SCN7A: variants seen among roughly 807,000 people sequenced by gnomAD.
SCN7A encodes sodium channel protein type 7 subunit alpha.
A neutral mutation model predicts 155.2 loss-of-function variants in SCN7A; 138 were observed. That is an observed-to-expected ratio of 0.89 (90% CI 0.77 to 1.02). The LOEUF is 1.02. Among genes scored for constraint, SCN7A ranks in the 50% least tolerant of loss-of-function variants. The pLI is 0.00. For missense variants in SCN7A, 2,058 were observed against 1,986.6 expected (o/e 1.04, Z -0.68); for synonymous variants, 693 against 649.0 (o/e 1.07, Z -1.03).
chr2:166,421,355 G>C (rs1701507247), intron 19 of SCN7A, 58 bp from the exon 20 acceptor site: 1 of 998,634 alleles, frequency 1.0e-6, no homozygotes, highest in South Asian at 2.0e-5. Flanking sequence ...AAAATAACAT[G>C]TAAAATAAAC....
intron 20 of SCN7A, among the ~76,000 whole-genome samples, chr2:166,418,749 C>T (rs1259155164): frequency 6.6e-6 from 1 of 152,016 alleles, no homozygotes; most frequent in African/African-American, 2.4e-5. Flanking sequence ...TTTAGAAAAT[C>T]TACATATAAA....
Position 166,477,700 on chromosome 2 carries a change from C to A in SCN7A, c.-4G>T. On this transcript the variant is annotated 5_prime_UTR_variant, in exon 3 of 26. Coordinates refer to ENST00000643258, the MANE Select transcript of SCN7A (RefSeq NM_002976.4). ...TAGGTTCTGGTGAAGCCAACATTTC[C>A]AATTTTGTACCTGCAAAAAATTCTG... 1 of 1,536,632 alleles carries A rather than the reference C, an allele frequency of 6.5e-7. No homozygotes were observed. Among genetic ancestry groups the A allele is most frequent in the Non-Finnish European group, 8.7e-7 (1 of 1,147,336 alleles).
chr2:166,491,807 GT>G (rs1213845958), intron 1 of SCN7A, among the ~76,000 whole-genome samples: 1 of 152,100 alleles, frequency 6.6e-6, no homozygotes, highest in Non-Finnish European at 1.5e-5. Flanking sequence ...ACTGAAAATG[GT>G]TAGTGGAAAT....
At chr2:166,484,237 G>A (rs1274718855) in intron 2 of SCN7A, among the ~76,000 whole-genome samples, 2 of 151,836 alleles carry the variant, frequency 1.3e-5, no homozygotes, top group Non-Finnish European at 2.9e-5. Context: ...ATTAGGGAAA[G>A]ATGTCTTTTA....
At chr2:166,478,486 C>T (rs1471769202) in intron 2 of SCN7A, among the ~76,000 whole-genome samples, 1 of 151,686 alleles carries the variant, frequency 6.6e-6, no homozygotes, top group East Asian at 1.9e-4. Context: ...TTCCCAAATG[C>T]TTTCTTCCCC....
chr2:166,419,010 T>C (rs1189078612), intron 20 of SCN7A, among the ~76,000 whole-genome samples: 1 of 152,164 alleles, frequency 6.6e-6, no homozygotes, highest in African/African-American at 2.4e-5. Flanking sequence ...CATTGTTTCA[T>C]TGCCATTCTA....
At position 166,406,068 on chromosome 2, in the gene SCN7A, C is replaced by A. The variant is rs1193159782; in HGVS notation, c.4561G>T (p.Val1521Leu). 1 of 1,612,560 alleles carries A rather than the reference C, an allele frequency of 6.2e-7. No homozygotes were observed. The highest frequency in any genetic ancestry group is 1.3e-5 in the African/African-American group (1 of 74,800). Residue 1521 changes from valine to leucine, a missense_variant, in exon 26 of 26, where the codon GTA (valine) becomes TTA (leucine). Coordinates refer to ENST00000643258, the MANE Select transcript of SCN7A (RefSeq NM_002976.4). The part of the protein sequence containing the change: ...SEDDFRKFFQ[V>L]WKRFDPDRTQ... The stretch of plus-strand genomic sequence containing the variant: ...CTATCAGGATCAAACCTTTTCCATA[C>A]CTGAAAGAATTTCCTAAAATCATCT...
intron 13 of SCN7A, among the ~76,000 whole-genome samples, chr2:166,444,260 A>G (rs1702016479): frequency 6.6e-6 from 1 of 152,196 alleles, no homozygotes; most frequent in South Asian, 2.1e-4. Flanking sequence ...TGTCTTTTGC[A>G]TTGTATGTGA....
At chr2:166,486,251 G>A (rs1703045408) in intron 2 of SCN7A, among the ~76,000 whole-genome samples, 1 of 152,154 alleles carries the variant, frequency 6.6e-6, no homozygotes, top group South Asian at 2.1e-4. Flanking sequence ...CTCCTCAGCA[G>A]TGGAACTAAG....
chr2:166,470,936 T>G (rs1291009356), intron 6 of SCN7A, among the ~76,000 whole-genome samples: 1 of 151,882 alleles, frequency 6.6e-6, no homozygotes, highest in Non-Finnish European at 1.5e-5. Flanking sequence ...TACAAAAGTT[T>G]GACACTGTGA....
chr2:166,480,498 A>C (rs1702900982), intron 2 of SCN7A, among the ~76,000 whole-genome samples: 1 of 150,970 alleles, frequency 6.6e-6, no homozygotes, highest in Non-Finnish European at 1.5e-5. Flanking sequence ...AAAAAAAAAC[A>C]GCCTTTCAAA....
At position 166,404,932 on chromosome 2, in the gene SCN7A, A is replaced by G. The variant is rs1701033946; in HGVS notation, c.*648T>C. On this transcript the variant is annotated 3_prime_UTR_variant, in exon 26 of 26. Coordinates refer to ENST00000643258, the MANE Select transcript of SCN7A (RefSeq NM_002976.4). ...AGGTGAAACTATCCAGAGATGAGAA[A>G]CCAGGAGCTTGAGCACAATGAAATC... 6.6e-6 allele frequency: 1 copy of G among 151,982 alleles called. No homozygotes were observed. Among genetic ancestry groups the G allele is most frequent in the East Asian group, 1.9e-4 (1 of 5,148 alleles). The allele number at this position is 151,982 out of a possible 1,614,324, so 9.4% of individuals were successfully genotyped here.
At chr2:166,430,067 A>T (rs1701702416) in intron 16 of SCN7A, among the ~76,000 whole-genome samples, 1 of 152,062 alleles carries the variant, frequency 6.6e-6, no homozygotes, top group South Asian at 2.1e-4. Context: ...AATAGCATAT[A>T]AGTAATATTT....
chr2:166,433,854 G>A (rs1405062326), intron 15 of SCN7A, among the ~76,000 whole-genome samples: 1 of 152,138 alleles, frequency 6.6e-6, no homozygotes, highest in Non-Finnish European at 1.5e-5. Flanking sequence ...ATAAGAAACA[G>A]ATGAGTGATG....
At chr2:166,466,241 C>T (rs1702531428) in intron 7 of SCN7A, among the ~76,000 whole-genome samples, 2 of 152,044 alleles carry the variant, frequency 1.3e-5, no homozygotes, top group Non-Finnish European at 2.9e-5. Flanking sequence ...GTTTGTTTCT[C>T]TTTACAAAGA....
In SCN7A at chr2:166,474,260, T is replaced by C. The variant is rs191859922; in HGVS notation, c.319A>G (p.Ile107Val). Residue 107 changes from isoleucine (I) to valine (V), a missense_variant, in exon 4 of 26, where the codon ATT becomes GTT. By Grantham distance (29) the Ile-to-Val change is conservative. Transcript: ENST00000643258. ...AAAACCTTGATAGTTGTTCTTCTAA[T>C]ACAATTGAAAGGAGACAATGTACAC... ...ILCTLSPFNCIRRTTIKVLVH... is the reference protein window; with the variant it reads ...ILCTLSPFNCVRRTTIKVLVH... 1,474 of 1,520,434 alleles carry C rather than the reference T, an allele frequency of 9.7e-4. No homozygotes were observed. The highest frequency in any genetic ancestry group is 1.3e-3 in the Non-Finnish European group (1,431 of 1,128,412). The allele number at this position is 1,520,434 out of a possible 1,614,324, so 94.2% of individuals were successfully genotyped here.
intron 14 of SCN7A, 70 bp from the exon 15 acceptor site, chr2:166,441,822 G>T: frequency 8.6e-7 from 1 of 1,159,208 alleles, no homozygotes; most frequent in Non-Finnish European, 1.2e-6. Context: ...ATATTACAAG[G>T]TACAGTGTTA....
chr2:166,482,278 A>G (rs1426246614), intron 2 of SCN7A, among the ~76,000 whole-genome samples: 1 of 152,130 alleles, frequency 6.6e-6, no homozygotes, highest in Non-Finnish European at 1.5e-5. Flanking sequence ...AAAGAATACA[A>G]AAAAAGAGGT....
chr2:166,474,305 A>C lies in SCN7A; in HGVS notation c.274T>G (p.Phe92Val). ...GTACACAAGATGGAAGCCGCATTGA[A>C]TCTGAAGATTGTTCTATTTTTATTT... ...VLNKNRTIFR[F>V]NAASILCTLS... Residue 92 changes from phenylalanine to valine, a missense_variant, in exon 4 of 26, where the codon TTC becomes GTC. Coordinates refer to ENST00000643258, the MANE Select transcript of SCN7A (RefSeq NM_002976.4). 6.5e-7 allele frequency: 1 copy of C among 1,528,298 alleles called. No individual in the cohort carries two copies. The highest frequency in any genetic ancestry group is 8.8e-7 in the Non-Finnish European group (1 of 1,132,146). The allele number at this position is 1,528,298 out of a possible 1,614,324, so 94.7% of individuals were successfully genotyped here.
Sources: gnomAD v4.1 joint callset for allele counts (sites outside exome capture counted in the v4.1 genomes callset) on GRCh38, gnomAD v4.1.1 for gene constraint, MANE v1.5 for transcripts, NCBI Gene and HGNC (gene_info 2026-07-23, HGNC 2026-07-21) for gene names.